The following MACROD2 variants were observed in gnomAD, a reference collection of about 807,000 sequenced individuals.
The protein encoded by MACROD2 is mono-ADP ribosylhydrolase 2.
MACROD2 carries 36 observed loss-of-function variants against 70.4 expected under a neutral mutation model. That is an observed-to-expected ratio of 0.51 (90% CI 0.39 to 0.68). The LOEUF (loss-of-function observed/expected upper bound fraction) is 0.68. Ranked by LOEUF, MACROD2 falls within the 30% of genes least tolerant of loss-of-function variation. The pLI, the probability that MACROD2 is intolerant of heterozygous loss-of-function variation, is 0.00. For synonymous variants in MACROD2, 172 were observed against 178.8 expected (o/e 0.96, Z 0.30); for missense variants, 496 against 538.4 (o/e 0.92, Z 0.78).
chr20:14,289,865 A>G (rs557884811), intron 3 of MACROD2, among the ~76,000 whole-genome samples: 5 of 152,284 alleles, frequency 3.3e-5, no homozygotes, highest in South Asian at 2.1e-4. Context: ...CAATATTTCA[A>G]TGATTACAGG....
intron 5 of MACROD2, among the ~76,000 whole-genome samples, chr20:14,951,273 C>G (rs555474627): frequency 6.6e-6 from 1 of 152,144 alleles, no homozygotes; most frequent in South Asian, 2.1e-4. Context: ...CCAGTTCTTA[C>G]AGAACTGGGG....
chr20:14,621,803 A>G (rs1983843249), intron 4 of MACROD2: 1 of 152,154 alleles, frequency 6.6e-6, no homozygotes, highest in East Asian at 1.9e-4. Flanking sequence ...GTACATAAAA[A>G]CGAGCTATTT....
At chr20:15,947,935 G>C (rs1426328974) in intron 12 of MACROD2, among the ~76,000 whole-genome samples, 1 of 151,544 alleles carries the variant, frequency 6.6e-6, no homozygotes, top group Non-Finnish European at 1.5e-5. Context: ...TGCATCCAAT[G>C]TTGATGACAT....
chr20:14,836,696 A>G (rs889397442), intron 5 of MACROD2, among the ~76,000 whole-genome samples: 1 of 152,062 alleles, frequency 6.6e-6, no homozygotes, highest in Non-Finnish European at 1.5e-5. Context: ...CATCTTGAGG[A>G]TTAATTTATG....
chr20:14,083,423 C>A (rs1330166250), intron 2 of MACROD2, among the ~76,000 whole-genome samples: 44 of 137,700 alleles, frequency 3.2e-4, no homozygotes, highest in Non-Finnish European at 3.2e-4. Flanking sequence ...AACTCTGTCT[C>A]AAAAAAAAAA....
intron 1 of MACROD2, among the ~76,000 whole-genome samples, chr20:13,996,763 A>G (rs1021532206): frequency 5.9e-5 from 9 of 152,068 alleles, no homozygotes; most frequent in Admixed American, 1.3e-4. Context: ...TTCTTTAGCT[A>G]TTTACAGAAA....
chr20:14,814,701 T>A (rs1202820465), intron 5 of MACROD2, among the ~76,000 whole-genome samples: 1 of 152,010 alleles, frequency 6.6e-6, no homozygotes, highest in Non-Finnish European at 1.5e-5. Flanking sequence ...GGTACATGGC[T>A]AATTTCTGGG....
At chr20:16,001,873 A>C (rs893397721) in intron 15 of MACROD2, among the ~76,000 whole-genome samples, 1 of 152,066 alleles carries the variant, frequency 6.6e-6, no homozygotes, top group Admixed American at 6.5e-5. Context: ...GTACTTTTCA[A>C]AATTAATATA....
At chr20:14,496,345 T>TC (rs2084853120) in intron 4 of MACROD2, among the ~76,000 whole-genome samples, 1 of 152,162 alleles carries the variant, frequency 6.6e-6, no homozygotes, top group Admixed American at 6.5e-5. Context: ...CAGGAGGGCT[T>TC]CCCCCATATT....
In MACROD2 at chr20:14,896,348, A is replaced by T. The variant is rs189598097; in HGVS notation, c.418+211389A>T. On this transcript the variant is annotated intron_variant, in intron 5 of 17. Transcript: ENST00000684519. ...AATTGGAAATAACATATTTGCTATTAATATCTTAAAGGAGGTATTTGTGTT... is the reference window on the plus strand; with the variant it reads ...AATTGGAAATAACATATTTGCTATTTATATCTTAAAGGAGGTATTTGTGTT... 2.1e-3 allele frequency among the ~76,000 whole-genome samples: 325 copies of T among 152,276 alleles called. 2 individuals carry two copies. Among genetic ancestry groups the T allele is most frequent in the African/African-American group, 7.4e-3 (308 of 41,564 alleles).
intron 6 of MACROD2, among the ~76,000 whole-genome samples, chr20:15,233,969 T>TATATATATATATATATA (rs1568657296): frequency 1.6e-4 from 9 of 56,116 alleles, no homozygotes; most frequent in Non-Finnish European, 3.1e-4. Context: ...AAATTTATTT[T>TATATATATATATATATA]TATATATATT....
chr20:15,397,755 A>G (rs767542480), intron 6 of MACROD2, among the ~76,000 whole-genome samples: 3 of 152,186 alleles, frequency 2.0e-5, no homozygotes, highest in Non-Finnish European at 4.4e-5. Context: ...TCACAGCTTC[A>G]ATGCGTACAT....
intron 8 of MACROD2, among the ~76,000 whole-genome samples, chr20:15,800,898 T>A (rs1239603472): frequency 6.6e-6 from 1 of 151,784 alleles, no homozygotes; most frequent in Non-Finnish European, 1.5e-5. Flanking sequence ...CCCCCAACCC[T>A]GTGCTCTCTG....
At chr20:14,087,911 T>G (rs573952509) in intron 3 of MACROD2, among the ~76,000 whole-genome samples, 55 of 152,182 alleles carry the variant, frequency 3.6e-4, no homozygotes, top group Non-Finnish European at 7.1e-4. Flanking sequence ...ATAAGAGAGA[T>G]ATATATACAC....
intron 8 of MACROD2, among the ~76,000 whole-genome samples, chr20:15,674,874 TG>T (rs1164196518): frequency 1.3e-5 from 2 of 152,188 alleles, no homozygotes; most frequent in African/African-American, 2.4e-5. Context: ...TTTTTGGAGT[TG>T]AGCCAAGCCA....
intron 15 of MACROD2, among the ~76,000 whole-genome samples, chr20:16,016,027 G>C (rs561031250): frequency 6.6e-6 from 1 of 152,042 alleles, no homozygotes; most frequent in Non-Finnish European, 1.5e-5. Context: ...AAACTGAAGT[G>C]AGATGACTTT....
At chr20:15,217,643 AG>A (rs1188872293) in intron 5 of MACROD2, among the ~76,000 whole-genome samples, 2 of 152,162 alleles carry the variant, frequency 1.3e-5, no homozygotes, top group Non-Finnish European at 1.5e-5. Context: ...GTGCCTCTCA[AG>A]CCATTTTCTC....
chr20:14,217,988 T>C (rs998031015), intron 3 of MACROD2, among the ~76,000 whole-genome samples: 2 of 152,188 alleles, frequency 1.3e-5, no homozygotes, highest in African/African-American at 4.8e-5. Context: ...ATGTGTATTC[T>C]GCGGTTGTTG....
intron 10 of MACROD2, among the ~76,000 whole-genome samples, chr20:15,905,727 T>G (rs1601101597): frequency 6.6e-6 from 1 of 152,316 alleles, no homozygotes; most frequent in East Asian, 1.9e-4. Context: ...AAATTTCAGT[T>G]TTCTAATGTA....
Sources: allele counts gnomAD v4.1 joint callset (sites outside exome capture counted in the v4.1 genomes callset), GRCh38; gene constraint gnomAD v4.1.1; transcripts MANE v1.5; gene names NCBI Gene and HGNC (gene_info 2026-07-23, HGNC 2026-07-21).